SYT1: variants seen among roughly 807,000 people sequenced by gnomAD.
SYT1 encodes the protein synaptotagmin-1.
A neutral mutation model predicts 44.8 loss-of-function variants in SYT1; 8 were observed. The ratio of observed to expected loss-of-function variants is 0.18; its 90% confidence interval spans 0.10 to 0.32. The LOEUF (loss-of-function observed/expected upper bound fraction) is 0.32, where lower values mean the gene tolerates loss of function less well. Ranked by LOEUF, SYT1 falls within the 10% of genes least tolerant of loss-of-function variation. The pLI is 1.00. For synonymous variants in SYT1, 154 were observed against 188.8 expected (o/e 0.82, Z 1.51); for missense variants, 286 against 509.3 (o/e 0.56, Z 4.22).
chr12:79,407,155 T>C (rs1165470523), intron 9 of SYT1, among the ~76,000 whole-genome samples: 1 of 152,160 alleles, frequency 6.6e-6, no homozygotes, highest in African/African-American at 2.4e-5. Context: ...TCCTCCATGA[T>C]ACACTCTTTT....
intron 2 of SYT1, among the ~76,000 whole-genome samples, chr12:79,012,161 A>T (rs991161534): frequency 2.6e-5 from 4 of 151,204 alleles, no homozygotes; most frequent in African/African-American, 9.7e-5. Flanking sequence ...GGAGAGAATC[A>T]TCTGTGGTGT....
At chr12:78,876,077 G>C (rs940932389) in intron 1 of SYT1, among the ~76,000 whole-genome samples, 7 of 151,370 alleles carry the variant, frequency 4.6e-5, no homozygotes, top group African/African-American at 1.5e-4. Context: ...GTATATTTTT[G>C]ATTATATCCT....
At chr12:79,254,013 G>A (rs1486778721) in intron 4 of SYT1, among the ~76,000 whole-genome samples, 1 of 152,184 alleles carries the variant, frequency 6.6e-6, no homozygotes, top group Non-Finnish European at 1.5e-5. Context: ...GACCATCAAA[G>A]TGCAAGGTGA....
chr12:78,878,929 G>A (rs573354360), intron 1 of SYT1, among the ~76,000 whole-genome samples: 1 of 151,660 alleles, frequency 6.6e-6, no homozygotes, highest in Non-Finnish European at 1.5e-5. Context: ...AAAGTTTAAG[G>A]ATTCATTGCA....
At chr12:78,936,124 T>C (rs996282991) in intron 1 of SYT1, among the ~76,000 whole-genome samples, 1 of 152,150 alleles carries the variant, frequency 6.6e-6, no homozygotes, top group African/African-American at 2.4e-5. Flanking sequence ...TCACTTCTTT[T>C]AGAGTTACAT....
chr12:79,011,268 A>G (rs1174463449), intron 2 of SYT1, among the ~76,000 whole-genome samples: 1 of 152,206 alleles, frequency 6.6e-6, no homozygotes, highest in Non-Finnish European at 1.5e-5. Flanking sequence ...TAGATATTAA[A>G]GATTCTCTTG....
At chr12:78,889,904 AAC>A (rs1874955500) in intron 1 of SYT1, among the ~76,000 whole-genome samples, 1 of 151,946 alleles carries the variant, frequency 6.6e-6, no homozygotes, top group South Asian at 2.1e-4. Flanking sequence ...AAAGGGGCTA[AAC>A]ACAGTTTTCC....
Position 79,050,012 on chromosome 12 carries a change from C to T in SYT1, c.-18+2650C>T, listed in dbSNP as rs1005658826. Reference sequence around the variant, plus strand: ...AAAGTGTATTCTAAAATACAGTTGACTCTTGATCACCAACTCCCACACAGT... The same window carrying T: ...AAAGTGTATTCTAAAATACAGTTGATTCTTGATCACCAACTCCCACACAGT... On this transcript the variant is annotated intron_variant, in intron 3 of 10. Coordinates refer to ENST00000261205, the MANE Select transcript of SYT1 (RefSeq NM_005639.3). 1.1e-4 allele frequency among the ~76,000 whole-genome samples: 17 copies of T among 151,972 alleles called. 1 individual carries two copies. Among genetic ancestry groups the T allele is most frequent in the Non-Finnish European group, 4.4e-5 (3 of 67,930 alleles).
chr12:79,349,816 C>G (rs1414663473), intron 8 of SYT1, among the ~76,000 whole-genome samples: 2 of 152,074 alleles, frequency 1.3e-5, no homozygotes, highest in Non-Finnish European at 2.9e-5. Flanking sequence ...TTATAAATTA[C>G]TATGCAGCCA....
intron 1 of SYT1, among the ~76,000 whole-genome samples, chr12:78,941,394 TACACACACACACACACACACACAC>T (rs71441941): frequency 1.4e-5 from 2 of 143,734 alleles, no homozygotes; most frequent in Non-Finnish European, 3.0e-5. Flanking sequence ...TAATAGAATC[TACACACACACACACACACACACAC>T]ACACACACAC....
chr12:78,945,974 C>T (rs1005018285), intron 1 of SYT1, among the ~76,000 whole-genome samples: 2 of 152,150 alleles, frequency 1.3e-5, no homozygotes, highest in African/African-American at 2.4e-5. Context: ...TTCAATGGCA[C>T]CACTCAACCT....
chr12:78,959,432 G>GCTACCTTACATAAAAATACTGATTTTAT (rs1879386732), intron 1 of SYT1, among the ~76,000 whole-genome samples: 2 of 152,082 alleles, frequency 1.3e-5, no homozygotes, highest in Non-Finnish European at 2.9e-5. Flanking sequence ...TAATTTAAAA[G>GCTACCTTACATAAAAATACTGATTTTAT]CTACCTTACA....
chr12:79,216,677 T>G (rs1287225073), intron 3 of SYT1, among the ~76,000 whole-genome samples: 1 of 152,230 alleles, frequency 6.6e-6, no homozygotes, highest in Non-Finnish European at 1.5e-5. Context: ...ATTACTTTAT[T>G]AATTATTTTG....
At chr12:78,928,108 A>G (rs1350745381) in intron 1 of SYT1, among the ~76,000 whole-genome samples, 1 of 152,174 alleles carries the variant, frequency 6.6e-6, no homozygotes, top group Non-Finnish European at 1.5e-5. Flanking sequence ...TAACAATAAA[A>G]GTTTTGAGTA....
intron 3 of SYT1, among the ~76,000 whole-genome samples, chr12:79,200,863 C>T (rs1202770506): frequency 6.6e-6 from 1 of 152,082 alleles, no homozygotes; most frequent in Non-Finnish European, 1.5e-5. Flanking sequence ...ATAATCTGTC[C>T]ACCCTCCCTG....
chr12:79,156,756 C>G (rs1430223812), intron 3 of SYT1, among the ~76,000 whole-genome samples: 1 of 152,100 alleles, frequency 6.6e-6, no homozygotes, highest in Non-Finnish European at 1.5e-5. Flanking sequence ...CGTGAGCCAC[C>G]GCACCTGGCC....
intron 3 of SYT1, among the ~76,000 whole-genome samples, chr12:79,198,338 A>C (rs1371200672): frequency 6.6e-6 from 1 of 152,174 alleles, no homozygotes; most frequent in Non-Finnish European, 1.5e-5. Flanking sequence ...AACCACAGTG[A>C]ACTTGTCAGT....
At chr12:79,333,018 T>A (rs1271356326) in intron 8 of SYT1, among the ~76,000 whole-genome samples, 1 of 152,182 alleles carries the variant, frequency 6.6e-6, no homozygotes, top group East Asian at 1.9e-4. Flanking sequence ...AAGTAAAGAA[T>A]CCTTACAATT....
At chr12:79,077,832 G>A (rs1370731385) in intron 3 of SYT1, among the ~76,000 whole-genome samples, 1 of 151,906 alleles carries the variant, frequency 6.6e-6, no homozygotes, top group Non-Finnish European at 1.5e-5. Context: ...CTATCTTGCT[G>A]GCCCTATTAG....
Sources: allele counts gnomAD v4.1 joint callset (sites outside exome capture counted in the v4.1 genomes callset), GRCh38; gene constraint gnomAD v4.1.1; transcripts MANE v1.5; gene names NCBI Gene and HGNC (gene_info 2026-07-23, HGNC 2026-07-21).